Variants in ZBTB46 observed in about 807,000 individuals in gnomAD.
ZBTB46 encodes zinc finger and BTB domain-containing protein 46.
A neutral mutation model predicts 44.1 loss-of-function variants in ZBTB46; 8 were observed. That is an observed-to-expected ratio of 0.18 (90% confidence interval 0.11 to 0.33). The LOEUF (loss-of-function observed/expected upper bound fraction) is 0.33, where lower values mean the gene tolerates loss of function less well. ZBTB46 is among the 10% of genes least tolerant of loss of function. The probability of loss-of-function intolerance (pLI) is 1.00; values close to 1 mark genes in which losing one functional copy is unlikely to be tolerated. For missense variants in ZBTB46, 651 were observed against 847.7 expected, an observed-to-expected ratio of 0.77 and a Z score of 2.88; for synonymous variants, 409 against 382.3, an observed-to-expected ratio of 1.07 and a Z score of -0.81.
chr20:63,801,745 G>A (rs1020568584), intron 1 of ZBTB46, among the ~76,000 whole-genome samples: 2 of 152,106 alleles, frequency 1.3e-5, no homozygotes, highest in African/African-American at 2.4e-5. Context: ...CCGCCTTTAA[G>A]AACTGTAACA....
At chr20:63,817,157 T>A (rs936693516) in intron 1 of ZBTB46, among the ~76,000 whole-genome samples, 1 of 151,278 alleles carries the variant, frequency 6.6e-6, no homozygotes, top group Admixed American at 6.6e-5. Flanking sequence ...TGGTGGCTCA[T>A]GCCTGTAATC....
rs1347626644 is a variant in ZBTB46, at chr20:63,752,717, G to A, written c.1367C>T (p.Thr456Met). Residue 456 changes from threonine to methionine, a missense_variant, in exon 4 of 5, where the codon ACG becomes ATG. Thr to Met is a moderately conservative substitution (Grantham distance 81, BLOSUM62 -1). Around this residue, in one of 5 missense-constraint regions of ZBTB46, gnomAD observed 20 missense variants for 67.7 expected, o/e 0.30. Coordinates refer to ENST00000245663, the MANE Select transcript of ZBTB46 (RefSeq NM_001369741.1). The surrounding 1 kb of genome is among the most constrained non-coding windows in gnomAD (Gnocchi z 5.6). ...YPCEICGKKF[T>M]RREHMKRHTL... ...GTGGCGCTTCATGTGCTCGCGCCGC[G>A]TGAACTTCTTCCCGCAGATCTCGCA... 1.2e-6 allele frequency: 2 copies of A among 1,604,484 alleles called. No homozygotes were observed. The highest frequency in any genetic ancestry group is 1.7e-6 in the Non-Finnish European group (2 of 1,175,374).
At chr20:63,805,589 C>T (rs1380578200) in intron 1 of ZBTB46, among the ~76,000 whole-genome samples, 2 of 152,164 alleles carry the variant, frequency 1.3e-5, no homozygotes, top group East Asian at 3.9e-4. Context: ...GCAGGAAGGA[C>T]CCTGCCTGGA....
chr20:63,777,829 A>G (rs2092438027), intron 2 of ZBTB46, among the ~76,000 whole-genome samples: 2 of 152,238 alleles, frequency 1.3e-5, no homozygotes, highest in Admixed American at 1.3e-4. Flanking sequence ...CATGAAGAAC[A>G]GACACAGGCC....
At chr20:63,793,150 C>T (rs564340177) in intron 1 of ZBTB46, among the ~76,000 whole-genome samples, 6 of 152,340 alleles carry the variant, frequency 3.9e-5, no homozygotes, top group East Asian at 3.9e-4. Context: ...GCCTCAACGG[C>T]GGCAGAGAAC....
At chr20:63,754,093 G>A (rs13041528) in intron 3 of ZBTB46, among the ~76,000 whole-genome samples, 1 of 152,166 alleles carries the variant, frequency 6.6e-6, no homozygotes, top group Non-Finnish European at 1.5e-5. Context: ...TGAGACTGGA[G>A]CATGTCTGTG....
chr20:63,757,956 C>T (rs1267720046), intron 3 of ZBTB46, among the ~76,000 whole-genome samples: 2 of 129,926 alleles, frequency 1.5e-5, no homozygotes, highest in Non-Finnish European at 3.4e-5. Flanking sequence ...CCACCCGCCC[C>T]GTCCAGAGCT....
chr20:63,816,237 C>A, intron 1 of ZBTB46: 1 of 226,780 alleles, frequency 4.4e-6, no homozygotes, highest in Non-Finnish European at 9.1e-6. Context: ...GGGCCCGAGT[C>A]CTGCTTCGGA....
chr20:63,830,832 C>G (rs2092846429), intron 1 of ZBTB46, among the ~76,000 whole-genome samples: 1 of 144,198 alleles, frequency 6.9e-6, no homozygotes, highest in African/African-American at 2.5e-5. Flanking sequence ...CGCCCCCGCG[C>G]GCCCCGCCCC....
In ZBTB46 at chr20:63,790,281, C is replaced by A. The variant is rs763942434; in HGVS notation, c.477G>T (p.Ser159=). The change falls in exon 2 of 5, where the codon TCG becomes TCT. Residue 159 remains serine, a synonymous_variant. Coordinates refer to ENST00000245663, the MANE Select transcript of ZBTB46 (RefSeq NM_001369741.1). ...AGATGCTCCTCCCAGCCATCACGGC[C>A]GAGATGAGAGCTTCCGTGCTGCTGC... ...SSSSSTEALI[S]AVMAGRSISP... The A allele has an allele frequency of 1.2e-6, 2 of 1,612,710 alleles. No homozygotes were observed. The highest frequency in any genetic ancestry group is 1.1e-5 in the South Asian group (1 of 90,926).
chr20:63,799,946 C>T (rs1170673564), intron 1 of ZBTB46, among the ~76,000 whole-genome samples: 1 of 152,196 alleles, frequency 6.6e-6, no homozygotes, highest in Non-Finnish European at 1.5e-5. Flanking sequence ...CGGTACCTAC[C>T]CGAGAAGCAA....
intron 2 of ZBTB46, among the ~76,000 whole-genome samples, chr20:63,779,174 G>A (rs954801011): frequency 2.0e-5 from 3 of 152,132 alleles, no homozygotes; most frequent in Admixed American, 1.3e-4. Context: ...GTGTGGGGGT[G>A]CACATTCAGC....
Position 63,747,025 on chromosome 20 carries a change from C to T in ZBTB46, c.1675G>A (p.Asp559Asn), listed in dbSNP as rs576880387. ...TCCTTGTCGTCCGCCAACAGCGCAT[C>T]CTCAGGGGCCAGGCCCTCGTCGTCC... ...GEDDEGLAPE[D>N]ALLADDKDEE... The change falls in exon 5 of 5, where the codon GAT (aspartate) becomes AAT (asparagine). Residue 559 changes from aspartate (D) to asparagine (N), a missense_variant. Around this residue, in one of 5 missense-constraint regions of ZBTB46, gnomAD observed 106 missense variants for 81.0 expected, o/e 1.31. Transcript: ENST00000245663. The T allele has an allele frequency of 1.2e-6, 2 of 1,608,280 alleles. No individual in the cohort carries two copies. The highest frequency in any genetic ancestry group is 1.3e-5 in the African/African-American group (1 of 75,042).
At chr20:63,798,995 C>A (rs2092624147) in intron 1 of ZBTB46, among the ~76,000 whole-genome samples, 1 of 152,070 alleles carries the variant, frequency 6.6e-6, no homozygotes, top group African/African-American at 2.4e-5. Flanking sequence ...AAGTTTAACT[C>A]ACCTACTCTA....
At chr20:63,813,459 A>T (rs1230492749) in intron 1 of ZBTB46, among the ~76,000 whole-genome samples, 5 of 147,592 alleles carry the variant, frequency 3.4e-5, no homozygotes, top group Non-Finnish European at 7.5e-5. Flanking sequence ...AAAAAAAAAA[A>T]TAAATAAATA....
rs941093991 is a variant in ZBTB46 at position 63,746,764 on chromosome 20, C to T, written c.*166G>A. 8.7e-7 allele frequency: 1 copy of T among 1,154,004 alleles called. No individual in the cohort carries two copies. Among genetic ancestry groups the T allele is most frequent in the Admixed American group, 3.1e-5 (1 of 31,896 alleles). 71.5% of individuals were successfully genotyped at this position (1,154,004 alleles called of 1,614,324 possible). On this transcript the variant is annotated 3_prime_UTR_variant, in exon 5 of 5. Transcript: ENST00000245663. ...GAGCACCCCTCTTGCTGGGGTCGCA[C>T]CTGCTTAGCCCGCAGGGCTGGTTTC...
At chr20:63,784,912 G>A (rs1032430805) in intron 2 of ZBTB46, among the ~76,000 whole-genome samples, 8 of 152,188 alleles carry the variant, frequency 5.3e-5, no homozygotes, top group African/African-American at 1.7e-4. Context: ...AATGATCCAC[G>A]GTGACCACTT....
intron 3 of ZBTB46, among the ~76,000 whole-genome samples, chr20:63,774,140 G>A (rs139650860): frequency 7.8e-5 from 10 of 128,016 alleles, no homozygotes; most frequent in East Asian, 2.4e-4. Flanking sequence ...AGCTTGTCCC[G>A]TCTGTGCAGT....
chr20:63,816,112 G>A (rs1316585775), intron 1 of ZBTB46, among the ~76,000 whole-genome samples: 4 of 149,276 alleles, frequency 2.7e-5, no homozygotes, highest in African/African-American at 9.9e-5. Flanking sequence ...CGCAGGTGCA[G>A]TGGGCGCAGG....
Sources: gnomAD v4.1 joint callset for allele counts (sites outside exome capture counted in the v4.1 genomes callset) on GRCh38, gnomAD v4.1.1 for gene constraint, gnomAD v4.1.1 regional missense constraint, Gnocchi (gnomAD v3.1) non-coding constraint, MANE v1.5 for transcripts, NCBI Gene and HGNC (gene_info 2026-07-23, HGNC 2026-07-21) for gene names.